CNOT4: variants seen among roughly 807,000 people sequenced by gnomAD.
CNOT4 encodes the protein CCR4-associated factor 4.
Under a neutral mutation model 73.8 loss-of-function variants are expected in CNOT4, and 8 were observed. The ratio of observed to expected loss-of-function variants is 0.11; its 90% CI spans 0.06 to 0.20. CNOT4 has a LOEUF of 0.20. CNOT4 is among the 10% of genes least tolerant of loss of function. The pLI is 1.00. For missense variants in CNOT4, 564 were observed against 883.4 expected (o/e 0.64, Z 4.58); for synonymous variants, 293 against 321.1 (o/e 0.91, Z 0.94).
At chr7:135,502,158 C>T (rs556772281) in intron 1 of CNOT4, among the ~76,000 whole-genome samples, 1 of 152,140 alleles carries the variant, frequency 6.6e-6, no homozygotes, top group East Asian at 1.9e-4. Flanking sequence ...ACATTTCTGT[C>T]GATTATAATT....
intron 1 of CNOT4, among the ~76,000 whole-genome samples, chr7:135,453,847 T>TATATATATATATATATATAA (rs1554438701): frequency 5.0e-5 from 6 of 119,376 alleles, no homozygotes; most frequent in African/African-American, 8.8e-5. Context: ...TATATATATA[T>TATATATATATATATATATAA]TATATATATA....
intron 9 of CNOT4, 52 bp downstream of exon 9, chr7:135,395,582 C>A: frequency 1.3e-6 from 2 of 1,553,832 alleles, no homozygotes; most frequent in Middle Eastern, 1.8e-4. Context: ...GTTAGTCTGT[C>A]AACAATACGT....
intron 7 of CNOT4, among the ~76,000 whole-genome samples, chr7:135,404,380 G>A (rs886287389): frequency 1.3e-5 from 2 of 152,028 alleles, no homozygotes; most frequent in African/African-American, 4.8e-5. Flanking sequence ...CTATCTAGAA[G>A]TATCAGCAGA....
chr7:135,475,118 A>G (rs1025776900), intron 1 of CNOT4, among the ~76,000 whole-genome samples: 2 of 152,210 alleles, frequency 1.3e-5, no homozygotes, highest in African/African-American at 2.4e-5. Context: ...ATGACAGAAC[A>G]ATAAATGAAA....
chr7:135,423,930 T>C (rs1293466857), intron 2 of CNOT4, among the ~76,000 whole-genome samples: 2 of 152,036 alleles, frequency 1.3e-5, no homozygotes, highest in Admixed American at 6.6e-5. Context: ...TTTAGTATGA[T>C]TTCAGAAGCT....
intron 10 of CNOT4, among the ~76,000 whole-genome samples, chr7:135,371,064 C>T (rs1397986786): frequency 6.6e-6 from 1 of 152,202 alleles, no homozygotes; most frequent in African/African-American, 2.4e-5. Context: ...GCCACTATTC[C>T]TTCACTCACT....
intron 7 of CNOT4, among the ~76,000 whole-genome samples, chr7:135,410,089 T>C (rs1305911876): frequency 6.6e-6 from 1 of 152,158 alleles, no homozygotes; most frequent in Non-Finnish European, 1.5e-5. Flanking sequence ...TGGAACTAGA[T>C]ATCCTTGAAT....
chr7:135,434,032 T>C (rs1163080468), intron 2 of CNOT4, among the ~76,000 whole-genome samples: 1 of 152,220 alleles, frequency 6.6e-6, no homozygotes, highest in East Asian at 1.9e-4. Context: ...TTTCATATTG[T>C]AGACTGAGAA....
chr7:135,378,192 A>G (rs536272756), intron 10 of CNOT4, among the ~76,000 whole-genome samples: 1 of 152,282 alleles, frequency 6.6e-6, no homozygotes, highest in South Asian at 2.1e-4. Context: ...TTCTGTTTAA[A>G]TGTGTTGTTT....
At chr7:135,369,828 T>G (rs1183437101) in intron 10 of CNOT4, among the ~76,000 whole-genome samples, 1 of 152,226 alleles carries the variant, frequency 6.6e-6, no homozygotes, top group Non-Finnish European at 1.5e-5. Context: ...GAACAAAGTC[T>G]AAACTTCCTC....
At chr7:135,466,669 T>C (rs2129486538) in intron 1 of CNOT4, among the ~76,000 whole-genome samples, 1 of 152,264 alleles carries the variant, frequency 6.6e-6, no homozygotes, top group African/African-American at 2.4e-5. Flanking sequence ...CCAGAGCAAC[T>C]TCCAGTCCTA....
At chr7:135,451,148 G>A (rs1008039989) in intron 1 of CNOT4, among the ~76,000 whole-genome samples, 29 of 152,150 alleles carry the variant, frequency 1.9e-4, no homozygotes, top group African/African-American at 7.0e-4. Context: ...AAAAAATTGG[G>A]ACTCCCAATG....
At chr7:135,401,759 G>A (rs1375137307) in intron 7 of CNOT4, among the ~76,000 whole-genome samples, 1 of 152,100 alleles carries the variant, frequency 6.6e-6, no homozygotes, top group African/African-American at 2.4e-5. Flanking sequence ...GGCAAAAACA[G>A]AGGTTGACAA....
intron 1 of CNOT4, among the ~76,000 whole-genome samples, chr7:135,457,482 C>G (rs1800616574): frequency 6.6e-6 from 1 of 152,002 alleles, no homozygotes. Context: ...TAAAATAGTA[C>G]TATTTTCTTT....
chr7:135,399,866 T>C (rs566401262), intron 7 of CNOT4, among the ~76,000 whole-genome samples: 4 of 152,196 alleles, frequency 2.6e-5, no homozygotes, highest in South Asian at 4.1e-4. Context: ...TTTAAAGATA[T>C]AGACCTGAGC....
intron 1 of CNOT4, among the ~76,000 whole-genome samples, chr7:135,483,802 T>G (rs547915300): frequency 9.1e-4 from 138 of 152,082 alleles, no homozygotes; most frequent in Non-Finnish European, 9.0e-4. Context: ...GATGACAGAG[T>G]GAGACCCCGT....
chr7:135,469,390 T>G (rs1801431692), intron 1 of CNOT4, among the ~76,000 whole-genome samples: 1 of 152,218 alleles, frequency 6.6e-6, no homozygotes, highest in African/African-American at 2.4e-5. Flanking sequence ...TCTTTTTGTT[T>G]AAGCTAGTTT....
chr7:135,408,273 T>C (rs1440190467), intron 7 of CNOT4, among the ~76,000 whole-genome samples: 4 of 152,104 alleles, frequency 2.6e-5, no homozygotes, highest in South Asian at 2.1e-4. Flanking sequence ...GCTTAATAAA[T>C]TTAAAATATG....
chr7:135,427,078 G>T (rs1037114375), intron 2 of CNOT4, among the ~76,000 whole-genome samples: 3 of 152,034 alleles, frequency 2.0e-5, no homozygotes, highest in African/African-American at 7.2e-5. Context: ...ATGCAAAATA[G>T]GTTGCCTATG....
Sources: gnomAD v4.1 joint callset for allele counts (sites outside exome capture counted in the v4.1 genomes callset) on GRCh38, gnomAD v4.1.1 for gene constraint, MANE v1.5 for transcripts, NCBI Gene and HGNC (gene_info 2026-07-23, HGNC 2026-07-21) for gene names.